HDAC4: variants seen among roughly 807,000 people sequenced by gnomAD.
HDAC4 encodes the protein histone deacetylase 4.
Under a neutral mutation model 135.1 loss-of-function variants are expected in HDAC4, and 16 were observed. The observed-to-expected ratio is 0.12, with a 90% CI of 0.08 to 0.18. The LOEUF is 0.18. HDAC4 is among the 10% of genes least tolerant of loss of function. The pLI, the probability that HDAC4 is intolerant of heterozygous loss-of-function variation, is 1.00. For synonymous variants in HDAC4, 685 were observed against 653.4 expected, an observed-to-expected ratio of 1.05 and a Z score of -0.74; for missense variants, 1,143 against 1,511.8, an observed-to-expected ratio of 0.76 and a Z score of 4.05.
At chr2:239,361,631 G>A (rs535071844) in intron 1 of HDAC4, among the ~76,000 whole-genome samples, 7 of 152,292 alleles carry the variant, frequency 4.6e-5, no homozygotes, top group East Asian at 1.9e-4. Flanking sequence ...AGAAAGCAGC[G>A]CTATCTGAAG....
intron 6 of HDAC4, chr2:239,162,452 C>T: frequency 2.4e-6 from 1 of 416,998 alleles, no homozygotes; most frequent in South Asian, 1.7e-5. Context: ...CCACGCCCTG[C>T]CCCAGCCAGT....
At position 239,266,271 on chromosome 2, in the gene HDAC4, CCT is replaced by C. The variant is rs918619500; in HGVS notation, c.23-29609_23-29608del. On this transcript the variant is annotated intron_variant, in intron 2 of 26. Transcript: ENST00000543185. Reference sequence around the variant, plus strand: ...AGAGCCGCTAGGTGGGAAACGTGCCCCTGATTCTCCATAGGCCGGGACCCTGG... The same window carrying C: ...AGAGCCGCTAGGTGGGAAACGTGCCCGATTCTCCATAGGCCGGGACCCTGG... 1.7e-4 allele frequency among the ~76,000 whole-genome samples: 26 copies of C among 152,340 alleles called. 1 individual carries two copies. Among genetic ancestry groups the C allele is most frequent in the African/African-American group, 5.8e-4 (24 of 41,586 alleles).
Position 239,289,802 on chromosome 2 carries a change from C to T in HDAC4, c.23-53138G>A, listed in dbSNP as rs550778182. Among the ~76,000 whole-genome samples, 511 of 152,304 alleles carry T rather than the reference C, an allele frequency of 3.4e-3. 2 individuals are homozygous for T. Among genetic ancestry groups the T allele is most frequent in the Non-Finnish European group, 5.6e-3 (378 of 68,018 alleles). ...ATCCTGCCCAAACTCTGAGAATGCC[C>T]CTGGTTATAACCCTCCGTTTCCCTA... is the stretch of plus-strand genomic sequence containing the variant. On this transcript the variant is annotated intron_variant, in intron 2 of 26. Transcript: ENST00000543185.
At chr2:239,225,920 G>A (rs971463290) in intron 3 of HDAC4, among the ~76,000 whole-genome samples, 5 of 152,172 alleles carry the variant, frequency 3.3e-5, no homozygotes, top group Admixed American at 6.5e-5. Context: ...TAAAAGATGG[G>A]CAGGTTCCTC....
At chr2:239,386,594 G>T (rs896499177) in intron 1 of HDAC4, among the ~76,000 whole-genome samples, 1 of 152,176 alleles carries the variant, frequency 6.6e-6, no homozygotes, top group East Asian at 1.9e-4. Context: ...CAGACAAGCC[G>T]CCAGACCACG....
chr2:239,129,599 CAGCTGACCCTGGCTCCTG>C (rs1165885576), intron 11 of HDAC4, among the ~76,000 whole-genome samples: 6 of 152,184 alleles, frequency 3.9e-5, no homozygotes, highest in Non-Finnish European at 1.5e-5. Flanking sequence ...GCAAGGGCAA[CAGCTGACCCTGGCTCCTG>C]AGCTGACCCT....
intron 2 of HDAC4, among the ~76,000 whole-genome samples, chr2:239,272,952 C>T (rs1373462895): frequency 2.0e-5 from 3 of 152,140 alleles, no homozygotes; most frequent in African/African-American, 7.2e-5. Context: ...CCACGATGAG[C>T]GGCAGAGTCA....
Position 239,049,158 on chromosome 2 carries a change from T to G in HDAC4, c.*3939A>C, listed in dbSNP as rs1021692450. 7.9e-5 allele frequency: 12 copies of G among 152,428 alleles called. No individual in the cohort carries two copies. Among genetic ancestry groups the G allele is most frequent in the African/African-American group, 2.7e-4 (11 of 41,466 alleles). 9.4% of individuals were successfully genotyped at this position (152,428 alleles called of 1,614,324 possible). ...GTATGTCACAAGTGCTAGATAAACTTTTTTTCTTAATATGACAAATGTTTA... is the reference window on the plus strand; with the variant it reads ...GTATGTCACAAGTGCTAGATAAACTGTTTTTCTTAATATGACAAATGTTTA... On this transcript the variant is annotated 3_prime_UTR_variant, in exon 27 of 27. Coordinates refer to ENST00000543185, the MANE Select transcript of HDAC4 (RefSeq NM_001378414.1).
At chr2:239,325,825 C>T (rs1045895300) in intron 2 of HDAC4, among the ~76,000 whole-genome samples, 1 of 151,926 alleles carries the variant, frequency 6.6e-6, no homozygotes, top group East Asian at 1.9e-4. Flanking sequence ...ATTAACCGGG[C>T]GTGGTGGCGG....
chr2:239,086,909 G>C (rs1000548353), intron 19 of HDAC4, among the ~76,000 whole-genome samples: 1 of 152,188 alleles, frequency 6.6e-6, no homozygotes, highest in Non-Finnish European at 1.5e-5. Flanking sequence ...CGTCCCAGGA[G>C]ACAGCATGCT....
chr2:239,080,022 TG>T (rs952069340), intron 22 of HDAC4, among the ~76,000 whole-genome samples: 5 of 150,542 alleles, frequency 3.3e-5, no homozygotes, highest in African/African-American at 1.2e-4. Context: ...GCACAAGCAC[TG>T]AGAGACATGC....
intron 8 of HDAC4, among the ~76,000 whole-genome samples, chr2:239,143,846 T>G (rs1318354360): frequency 6.6e-6 from 1 of 152,244 alleles, no homozygotes; most frequent in Non-Finnish European, 1.5e-5. Flanking sequence ...GAACACTTTC[T>G]GTTGTGCAAA....
chr2:239,055,003 A>AT (rs1281607885), intron 24 of HDAC4, among the ~76,000 whole-genome samples, 170 bp from the exon 25 acceptor site: 5 of 151,858 alleles, frequency 3.3e-5, no homozygotes, highest in African/African-American at 1.2e-4. Context: ...CGTGGTATTT[A>AT]TAATTTTTTT....
chr2:239,213,787 C>T (rs1238084424), intron 3 of HDAC4, among the ~76,000 whole-genome samples: 1 of 152,246 alleles, frequency 6.6e-6, no homozygotes, highest in Non-Finnish European at 1.5e-5. Flanking sequence ...CCTTCATCTC[C>T]AGCTCCCTGG....
intron 2 of HDAC4, among the ~76,000 whole-genome samples, chr2:239,237,143 T>C (rs1052787500): frequency 1.8e-4 from 27 of 152,048 alleles, no homozygotes; most frequent in African/African-American, 6.3e-4. Flanking sequence ...TAGCTGCAAA[T>C]AGGCATGGAG....
rs539791155 is a variant in HDAC4, at chr2:239,388,171, T to C, written c.-220+12807A>G. Among the ~76,000 whole-genome samples, 21 of 152,282 alleles carry C rather than the reference T, an allele frequency of 1.4e-4. No homozygotes were observed. In the Middle Eastern group the frequency reaches 0.01, roughly 74 times the overall value. ...CTGGGGTTGGGGAAAGGCTGGGCCA[T>C]TGACCTCCTGTGTTACTTATCCTGA... On this transcript the variant is annotated intron_variant, in intron 1 of 26. Coordinates refer to ENST00000543185, the MANE Select transcript of HDAC4 (RefSeq NM_001378414.1).
intron 9 of HDAC4, among the ~76,000 whole-genome samples, chr2:239,134,854 C>T (rs529641005): frequency 9.2e-5 from 14 of 152,352 alleles, no homozygotes; most frequent in Middle Eastern, 6.8e-3. Context: ...TTCCTCCTCC[C>T]GATACGAGTT....
In HDAC4 at chr2:239,051,847, T is replaced by TA. The variant is rs1559335656; in HGVS notation, c.*1249_*1250insT. 15 of 150,256 alleles carry TA rather than the reference T, an allele frequency of 1.0e-4. No individual in the cohort carries two copies. Among genetic ancestry groups the TA allele is most frequent in the African/African-American group, 3.7e-4 (15 of 40,954 alleles). 9.3% of individuals were successfully genotyped at this position (150,256 alleles called of 1,614,324 possible). A position where few individuals can be genotyped will look rare whatever the true frequency, so the allele number is the denominator to read the frequency against. The stretch of plus-strand genomic sequence containing the variant: ...GGGACCTTCGCAATCTGCATTCATT[T>TA]TATATATATATATATACTTTTTCTA... On this transcript the variant is annotated 3_prime_UTR_variant, in exon 27 of 27. Transcript: ENST00000543185.
chr2:239,286,359 G>A (rs374701539), intron 2 of HDAC4, among the ~76,000 whole-genome samples: 50 of 152,214 alleles, frequency 3.3e-4, no homozygotes, highest in African/African-American at 1.2e-3. Flanking sequence ...CGGTGAGTGA[G>A]AAGATCCTGA....
Sources: allele counts gnomAD v4.1 joint callset (sites outside exome capture counted in the v4.1 genomes callset), GRCh38; gene constraint gnomAD v4.1.1; transcripts MANE v1.5; gene names NCBI Gene and HGNC (gene_info 2026-07-23, HGNC 2026-07-21).